The following CASZ1 variants were observed in gnomAD, a reference collection of about 807,000 sequenced individuals.
CASZ1 encodes castor zinc finger 1.
CASZ1 carries 28 observed loss-of-function variants against 135.2 expected under a neutral mutation model. The ratio of observed to expected loss-of-function variants is 0.21; its 90% CI spans 0.15 to 0.28. The LOEUF is 0.28. Among genes scored for constraint, CASZ1 ranks in the 10% least tolerant of loss-of-function variants. The pLI, the probability that CASZ1 is intolerant of heterozygous loss-of-function variation, is 1.00. For synonymous variants in CASZ1, 1,068 were observed against 1,073.4 expected (o/e 0.99, Z 0.10); for missense variants, 2,161 against 2,453.3 (o/e 0.88, Z 2.52).
At chr1:10,731,479 G>A (rs1422157241) in intron 2 of CASZ1, among the ~76,000 whole-genome samples, 1 of 152,158 alleles carries the variant, frequency 6.6e-6, no homozygotes, top group African/African-American at 2.4e-5. Flanking sequence ...CAGCTACTTG[G>A]GAGGCTGAGG....
rs1197585598 is a variant in CASZ1, at chr1:10,739,065, T to C, written c.-77+21636A>G. 6.6e-6 allele frequency among the ~76,000 whole-genome samples: 1 copy of C among 152,138 alleles called. No homozygotes were observed. Among genetic ancestry groups the C allele is most frequent in the East Asian group, 1.9e-4 (1 of 5,170 alleles). On this transcript the variant is annotated intron_variant, in intron 2 of 20. Coordinates refer to ENST00000377022, the MANE Select transcript of CASZ1 (RefSeq NM_001079843.3). This position sits in a 1 kb window ranked among gnomAD's most constrained non-coding sequence, Gnocchi z 4.8. The stretch of plus-strand genomic sequence containing the variant: ...TAGGAAGCTTGGGCTCTGCTTCTTA[T>C]TGAGTTCTTTTTTAAAATTTTGCTG...
chr1:10,703,681 G>T (rs1225268332), intron 3 of CASZ1, among the ~76,000 whole-genome samples: 4 of 152,054 alleles, frequency 2.6e-5, no homozygotes, highest in Non-Finnish European at 5.9e-5. Flanking sequence ...AGACTCCGAG[G>T]CCCCCTAAAG....
chr1:10,750,767 G>A (rs571208646), intron 2 of CASZ1, among the ~76,000 whole-genome samples: 9 of 152,210 alleles, frequency 5.9e-5, no homozygotes, highest in African/African-American at 1.9e-4. Flanking sequence ...AGGCATGGTG[G>A]CGCGACCTGT....
intron 20 of CASZ1, 131 bp downstream of exon 20, chr1:10,642,728 G>T: frequency 2.0e-6 from 2 of 985,846 alleles, no homozygotes; most frequent in Non-Finnish European, 2.9e-6. Flanking sequence ...AGACCAGCTG[G>T]CTCTGCTGCA....
At position 10,667,575 on chromosome 1, in the gene CASZ1, G is replaced by C. The variant is rs544583994; in HGVS notation, c.17-2004C>G. Reference sequence around the variant, plus strand: ...CTGCCCAGCAGGTTCTGTGACGCCGGGTGTCCTCCAACAGGCCTCCGGGGA... The same window carrying C: ...CTGCCCAGCAGGTTCTGTGACGCCGCGTGTCCTCCAACAGGCCTCCGGGGA... On this transcript the variant is annotated intron_variant, in intron 4 of 20. Transcript: ENST00000377022. 2.0e-5 allele frequency among the ~76,000 whole-genome samples: 3 copies of C among 152,298 alleles called. No homozygotes were observed. In the East Asian group the frequency reaches 5.8e-4, roughly 29 times the overall value.
At chr1:10,692,841 C>A (rs1638811801) in intron 4 of CASZ1, among the ~76,000 whole-genome samples, 1 of 152,200 alleles carries the variant, frequency 6.6e-6, no homozygotes, top group Non-Finnish European at 1.5e-5. Context: ...CTAACAGCCA[C>A]CAGTATCACC....
rs1202803665 is a variant in CASZ1 at position 10,711,943 on chromosome 1, C to A, written c.-76-6399G>T. ...GGGGGAAGGGGACAGTGAGGAGGGA[C>A]TGCTAAGGGGTTCAGGGTTTCTGTC... On this transcript the variant is annotated intron_variant, in intron 2 of 20. Transcript: ENST00000377022. This position sits in a 1 kb window ranked among gnomAD's most constrained non-coding sequence, Gnocchi z 4.4. Among the ~76,000 whole-genome samples, 2 of 152,098 alleles carry A rather than the reference C, an allele frequency of 1.3e-5. No individual in the cohort carries two copies. The highest frequency in any genetic ancestry group is 2.9e-5 in the Non-Finnish European group (2 of 68,020).
chr1:10,646,876 G>A lies in CASZ1; in HGVS notation c.3498-550C>T, dbSNP rs983827997. Among the ~76,000 whole-genome samples the A allele has an allele frequency of 6.6e-6, 1 of 152,160 alleles. No homozygotes were observed. Among genetic ancestry groups the A allele is most frequent in the African/African-American group, 2.4e-5 (1 of 41,446 alleles). On this transcript the variant is annotated intron_variant, in intron 16 of 20. Coordinates refer to ENST00000377022, the MANE Select transcript of CASZ1 (RefSeq NM_001079843.3). The surrounding 1 kb of genome is among the most constrained non-coding windows in gnomAD (Gnocchi z 6.4). ...CCCCAGGATCAACTCGGGGCCCATG[G>A]TGCCCACCCACTCAGACCTCACTTG...
intron 2 of CASZ1, among the ~76,000 whole-genome samples, chr1:10,745,543 A>C (rs1244109863): frequency 6.6e-6 from 1 of 152,144 alleles, no homozygotes; most frequent in Non-Finnish European, 1.5e-5. Context: ...CTCATACTCA[A>C]AGGGCACCTG....
rs1029866061 is a variant in CASZ1 at position 10,655,829 on chromosome 1, G to A, written c.1501-16C>T. On this transcript the variant is annotated splice_polypyrimidine_tract_variant and intron_variant, in intron 8 of 20. Transcript: ENST00000377022. ...TCGTGAACCTCTGCCAGGAGACAGCGCCACGTGGGCAGGAGCCTGAGCTCC... is the reference window on the plus strand; with the variant it reads ...TCGTGAACCTCTGCCAGGAGACAGCACCACGTGGGCAGGAGCCTGAGCTCC... The A allele has an allele frequency of 5.6e-6, 9 of 1,610,550 alleles. No homozygotes were observed. Among genetic ancestry groups the A allele is most frequent in the East Asian group, 2.2e-5 (1 of 44,774 alleles).
Position 10,706,055 on chromosome 1 carries a change from A to G in CASZ1, c.-76-511T>C, listed in dbSNP as rs1450474954. 6.6e-6 allele frequency among the ~76,000 whole-genome samples: 1 copy of G among 152,248 alleles called. No individual in the cohort carries two copies. Among genetic ancestry groups the G allele is most frequent in the Non-Finnish European group, 1.5e-5 (1 of 68,036 alleles). ...TCTAGCAAGTTGGTGACAGAGGGGCAAGGGCGGGCCAGGGGCCAAGGCATC... is the reference window on the plus strand; with the variant it reads ...TCTAGCAAGTTGGTGACAGAGGGGCGAGGGCGGGCCAGGGGCCAAGGCATC... On this transcript the variant is annotated intron_variant, in intron 2 of 20. Transcript: ENST00000377022. This position sits in a 1 kb window ranked among gnomAD's most constrained non-coding sequence, Gnocchi z 4.3.
At chr1:10,684,848 C>T (rs1013720663) in intron 4 of CASZ1, among the ~76,000 whole-genome samples, 1 of 152,218 alleles carries the variant, frequency 6.6e-6, no homozygotes, top group African/African-American at 2.4e-5. Flanking sequence ...TGAGCCTCTC[C>T]CATCTGTAGG....
intron 2 of CASZ1, among the ~76,000 whole-genome samples, chr1:10,710,396 G>A (rs1255847826): frequency 6.6e-6 from 1 of 152,168 alleles, no homozygotes; most frequent in Non-Finnish European, 1.5e-5. Flanking sequence ...CCCCTTAGGA[G>A]GAAGCAACGC....
chr1:10,642,129 G>A (rs1264889180), intron 20 of CASZ1: 3 of 150,452 alleles, frequency 2.0e-5, no homozygotes, highest in East Asian at 4.0e-4. Flanking sequence ...GGCCCCGGCC[G>A]GCTCCGAGAG....
intron 2 of CASZ1, among the ~76,000 whole-genome samples, chr1:10,723,311 C>A (rs1443263598): frequency 1.3e-5 from 2 of 152,216 alleles, no homozygotes; most frequent in Non-Finnish European, 2.9e-5. Context: ...GCTTCTACTT[C>A]ACTTGTGCCC....
intron 1 of CASZ1, among the ~76,000 whole-genome samples, chr1:10,763,228 C>G (rs1289180505): frequency 1.3e-5 from 2 of 152,208 alleles, no homozygotes; most frequent in South Asian, 2.1e-4. Flanking sequence ...GAGGCCGGGT[C>G]TCTGTGACCA....
rs569221773 is a variant in CASZ1 at position 10,739,615 on chromosome 1, C to T, written c.-77+21086G>A. Among the ~76,000 whole-genome samples, 1 of 152,174 alleles carries T rather than the reference C, an allele frequency of 6.6e-6. No homozygotes were observed. The highest frequency in any genetic ancestry group is 2.4e-5 in the African/African-American group (1 of 41,442). On this transcript the variant is annotated intron_variant, in intron 2 of 20. Transcript: ENST00000377022. The surrounding 1 kb of genome is among the most constrained non-coding windows in gnomAD (Gnocchi z 4.8). ...AAAGAGCCTTCAGGGGCCTTCTTGT[C>T]GTTGATCAAAACAACAGGGCCACCA...
intron 2 of CASZ1, among the ~76,000 whole-genome samples, chr1:10,746,283 C>T (rs1478167202): frequency 3.3e-5 from 5 of 152,092 alleles, no homozygotes; most frequent in Non-Finnish European, 5.9e-5. Flanking sequence ...CACGCATGCA[C>T]GGCAAAATTA....
In CASZ1 at chr1:10,726,323, C is replaced by T. The variant is rs1270536262; in HGVS notation, c.-76-20779G>A. On this transcript the variant is annotated intron_variant, in intron 2 of 20. Transcript: ENST00000377022. The surrounding 1 kb of genome is among the most constrained non-coding windows in gnomAD (Gnocchi z 5.7). Reference sequence around the variant, plus strand: ...TTGGGGAGGTGAAACCGGGTCTCCCCAGCTTGGGGCTACTGACCAACAGCC... The same window carrying T: ...TTGGGGAGGTGAAACCGGGTCTCCCTAGCTTGGGGCTACTGACCAACAGCC... Among the ~76,000 whole-genome samples the T allele has an allele frequency of 6.6e-6, 1 of 152,188 alleles. No individual in the cohort carries two copies. The highest frequency in any genetic ancestry group is 1.5e-5 in the Non-Finnish European group (1 of 68,032).
Sources: gnomAD v4.1 joint callset for allele counts (sites outside exome capture counted in the v4.1 genomes callset) on GRCh38, gnomAD v4.1.1 for gene constraint, Gnocchi (gnomAD v3.1) non-coding constraint, MANE v1.5 for transcripts, NCBI Gene and HGNC (gene_info 2026-07-23, HGNC 2026-07-21) for gene names.